SGSM1: variants seen among roughly 807,000 people sequenced by gnomAD.
SGSM1 encodes the protein RUN and TBC1 domain containing 2.
A neutral mutation model predicts 133.8 loss-of-function variants in SGSM1; 73 were observed. That is an observed-to-expected ratio of 0.55 (90% CI 0.45 to 0.66). The LOEUF is 0.66. SGSM1 is among the 30% of genes least tolerant of loss of function. The probability of loss-of-function intolerance (pLI) is 0.00; values close to 1 mark genes in which losing one functional copy is unlikely to be tolerated. For synonymous variants in SGSM1, 563 were observed against 573.0 expected (o/e 0.98, Z 0.25); for missense variants, 1,213 against 1,448.1 (o/e 0.84, Z 2.64).
rs756506570 is a variant in SGSM1, at chr22:24,867,122, G to T, written c.956G>T (p.Arg319Leu). Residue 319 changes from arginine (R) to leucine (L), a missense_variant, in exon 10 of 25, where the codon CGC becomes CTC. Coordinates refer to ENST00000400358, the MANE Select transcript of SGSM1 (RefSeq NM_001098497.3). ...SVYWDYAMTI[R>L]LEEIVYLHCH... ...TACTGGGACTATGCCATGACCATCC[G>T]CTTGGAGGAGATTGTCTACCTGCAC... is the stretch of plus-strand genomic sequence containing the variant. 1.9e-6 allele frequency: 3 copies of T among 1,613,732 alleles called. No individual in the cohort carries two copies. Among genetic ancestry groups the T allele is most frequent in the Non-Finnish European group, 2.5e-6 (3 of 1,179,894 alleles).
chr22:24,828,699 T>C (rs1928934378), intron 2 of SGSM1, among the ~76,000 whole-genome samples: 1 of 152,206 alleles, frequency 6.6e-6, no homozygotes, highest in South Asian at 2.1e-4. Context: ...AGAAATACCA[T>C]TCGATCCAGC....
intron 13 of SGSM1, 81 bp downstream of exon 13, chr22:24,876,796 T>C (rs1932050091): frequency 1.3e-6 from 2 of 1,572,048 alleles, no homozygotes; most frequent in Non-Finnish European, 1.7e-6. Flanking sequence ...TACCCTGCAC[T>C]GAATTCAGAG....
chr22:24,885,435 C>CTTTTT (rs749418833), intron 15 of SGSM1, among the ~76,000 whole-genome samples: 7 of 122,056 alleles, frequency 5.7e-5, no homozygotes, highest in African/African-American at 1.3e-4. Context: ...CATTGAGCAC[C>CTTTTT]TTTTTTTTTT....
intron 18 of SGSM1, among the ~76,000 whole-genome samples, chr22:24,897,014 C>T (rs1932931211): frequency 1.3e-5 from 2 of 151,672 alleles, no homozygotes; most frequent in African/African-American, 2.4e-5. Context: ...AAATTAGGTA[C>T]ACATGGTAAA....
At chr22:24,885,812 A>G (rs997636977) in intron 15 of SGSM1, among the ~76,000 whole-genome samples, 1 of 151,444 alleles carries the variant, frequency 6.6e-6, no homozygotes, top group African/African-American at 2.4e-5. Flanking sequence ...ATGTTCACCC[A>G]TTGATGCGCA....
chr22:24,824,286 CAG>C (rs1928663469), intron 2 of SGSM1, among the ~76,000 whole-genome samples: 1 of 152,088 alleles, frequency 6.6e-6, no homozygotes, highest in Non-Finnish European at 1.5e-5. Context: ...CTGGGTCACA[CAG>C]AAGGAATGGC....
chr22:24,924,362 G>A lies in SGSM1; in HGVS notation c.*88G>A, dbSNP rs918123688. On this transcript the variant is annotated 3_prime_UTR_variant, in exon 25 of 25. Coordinates refer to ENST00000400358, the MANE Select transcript of SGSM1 (RefSeq NM_001098497.3). ...CCTCCTGGCTGGATGGGCACCCCGGGAGCGGGGTCCTGGTGTCTGTTCACA... is the reference window on the plus strand; with the variant it reads ...CCTCCTGGCTGGATGGGCACCCCGGAAGCGGGGTCCTGGTGTCTGTTCACA... 4.4e-6 allele frequency: 5 copies of A among 1,148,192 alleles called. No individual in the cohort carries two copies. In the African/African-American group the frequency reaches 7.6e-5, roughly 17 times the overall value. 71.1% of individuals were successfully genotyped at this position (1,148,192 alleles called of 1,614,324 possible).
chr22:24,860,920 A>T (rs201659452), intron 9 of SGSM1, among the ~76,000 whole-genome samples: 5,725 of 58,088 alleles, frequency 0.099, 181 homozygotes, highest in African/African-American at 0.18. Context: ...AAAAAAAAAA[A>T]AAATATATAT....
intron 2 of SGSM1, among the ~76,000 whole-genome samples, chr22:24,826,981 C>A (rs994889306): frequency 1.3e-5 from 2 of 152,056 alleles, no homozygotes; most frequent in African/African-American, 2.4e-5. Context: ...ATGTTTTTAC[C>A]CCCCTAGAGT....
rs560996136 is a variant in SGSM1, at chr22:24,927,519, A to G, written c.*3245A>G. On this transcript the variant is annotated 3_prime_UTR_variant, in exon 25 of 25. Transcript: ENST00000400358. ...CCAGGCACAGTGGCTTACCCCTGTA[A>G]TCCCAGCACTTTGGGAGGCCAAAGC... 1 of 152,422 alleles carries G rather than the reference A, an allele frequency of 6.6e-6. No individual in the cohort carries two copies. The highest frequency in any genetic ancestry group is 2.4e-5 in the African/African-American group (1 of 41,584). 9.4% of individuals were successfully genotyped at this position (152,422 alleles called of 1,614,324 possible).
intron 2 of SGSM1, among the ~76,000 whole-genome samples, chr22:24,827,074 T>C (rs905301044): frequency 1.1e-4 from 17 of 152,066 alleles, no homozygotes; most frequent in African/African-American, 4.1e-4. Flanking sequence ...TTATGACAGC[T>C]CCGCACCCTG....
At chr22:24,838,966 T>C (rs1929637057) in intron 2 of SGSM1, among the ~76,000 whole-genome samples, 1 of 150,254 alleles carries the variant, frequency 6.7e-6, no homozygotes, top group South Asian at 2.1e-4. Flanking sequence ...GATAGAAATT[T>C]CATTAAATCT....
At chr22:24,876,311 C>G (rs536900890) in intron 12 of SGSM1, among the ~76,000 whole-genome samples, 64 of 152,282 alleles carry the variant, frequency 4.2e-4, no homozygotes, top group African/African-American at 1.5e-3. Flanking sequence ...GGGATTGGGC[C>G]TGGTTTCTTG....
chr22:24,917,537 T>G (rs1175399402), intron 22 of SGSM1, 121 bp from the exon 23 acceptor site: 1 of 579,222 alleles, frequency 1.7e-6, no homozygotes, highest in South Asian at 3.0e-5. Flanking sequence ...TTTTTTAAAC[T>G]GTAACTGGCT....
rs544952461 is a variant in SGSM1, at chr22:24,876,560, C to A, written c.1292-17C>A. 4.7e-5 allele frequency: 76 copies of A among 1,613,812 alleles called. No individual in the cohort carries two copies. Among genetic ancestry groups the A allele is most frequent in the Non-Finnish European group, 6.2e-5 (73 of 1,179,838 alleles). On this transcript the variant is annotated splice_polypyrimidine_tract_variant and intron_variant, in intron 12 of 24. Coordinates refer to ENST00000400358, the MANE Select transcript of SGSM1 (RefSeq NM_001098497.3). ...TAACCAGGGTGATTCTTCTGCCCCT[C>A]CTTCTATCCACCACAGTGCCCCAGG...
At chr22:24,901,994 A>G in intron 20 of SGSM1, 37 bp downstream of exon 20, 1 of 111,758 alleles carries the variant, frequency 8.9e-6, no homozygotes, top group Non-Finnish European at 1.9e-5. Context: ...GGGGATGGGG[A>G]TGGTGGGTGG....
intron 3 of SGSM1, among the ~76,000 whole-genome samples, chr22:24,846,285 C>T (rs1930147306): frequency 1.3e-5 from 2 of 151,822 alleles, no homozygotes; most frequent in Admixed American, 1.3e-4. Flanking sequence ...GCATTCCTCT[C>T]TCCTTGGCTT....
rs1931925275 is a variant in SGSM1 at position 24,874,475 on chromosome 22, T to A, written c.1292-2102T>A. 6.2e-7 allele frequency: 1 copy of A among 1,613,666 alleles called. No homozygotes were observed. Among genetic ancestry groups the A allele is most frequent in the African/African-American group, 1.3e-5 (1 of 74,896 alleles). On this transcript the variant is annotated intron_variant, in intron 12 of 24. Coordinates refer to ENST00000400358, the MANE Select transcript of SGSM1 (RefSeq NM_001098497.3). ...TCTGTGGGCCCTGCCTGGATGATGG[T>A]TCCTGCAGGCCGGTCCATGCTGGTG...
chr22:24,811,868 C>CA (rs757643471), intron 2 of SGSM1, among the ~76,000 whole-genome samples: 5,297 of 122,068 alleles, frequency 0.043, 366 homozygotes, highest in African/African-American at 0.14. Flanking sequence ...GACCCTGTCT[C>CA]AAAAAAAAAA....
Sources: allele counts gnomAD v4.1 joint callset (sites outside exome capture counted in the v4.1 genomes callset), GRCh38; gene constraint gnomAD v4.1.1; transcripts MANE v1.5; gene names NCBI Gene and HGNC (gene_info 2026-07-23, HGNC 2026-07-21).